PALS1: variants seen among roughly 807,000 people sequenced by gnomAD.
PALS1 encodes protein PALS1.
PALS1 carries 31 observed loss-of-function variants against 78.9 expected under a neutral mutation model. The ratio of observed to expected loss-of-function variants is 0.39; its 90% CI spans 0.30 to 0.53. PALS1 has a LOEUF of 0.53. PALS1 is among the 20% of genes least tolerant of loss of function. The pLI, the probability that PALS1 is intolerant of heterozygous loss-of-function variation, is 0.67. For synonymous variants in PALS1, 276 were observed against 270.9 expected, an observed-to-expected ratio of 1.02 and a Z score of -0.18; for missense variants, 704 against 826.5, an observed-to-expected ratio of 0.85 and a Z score of 1.82.
chr14:67,281,078 T>A (rs527879016), intron 3 of PALS1, among the ~76,000 whole-genome samples: 1 of 152,012 alleles, frequency 6.6e-6, no homozygotes, highest in East Asian at 1.9e-4. Flanking sequence ...TTTGTATTTT[T>A]AGTAGAGACC....
At chr14:67,243,312 C>G (rs941601391) in intron 1 of PALS1, among the ~76,000 whole-genome samples, 14 of 151,296 alleles carry the variant, frequency 9.3e-5, no homozygotes, top group Non-Finnish European at 1.6e-4. Context: ...CTCAGCCTCC[C>G]GACTAGCTGG....
At chr14:67,297,287 T>C (rs562721107) in intron 4 of PALS1, among the ~76,000 whole-genome samples, 61 of 152,192 alleles carry the variant, frequency 4.0e-4, no homozygotes, top group Admixed American at 1.0e-3. Flanking sequence ...ATTATGAAGT[T>C]GTATAGGAAC....
chr14:67,296,585 C>CAA (rs374329692), intron 4 of PALS1, among the ~76,000 whole-genome samples: 2,561 of 50,818 alleles, frequency 0.05, 444 homozygotes, highest in African/African-American at 0.076. Flanking sequence ...AACTCTGTCT[C>CAA]AAAAAAAAAA....
At chr14:67,332,649 A>T (rs1019379926) in intron 14 of PALS1, 131 bp from the exon 15 acceptor site, 2 of 856,274 alleles carry the variant, frequency 2.3e-6, no homozygotes, top group Non-Finnish European at 1.7e-6. Flanking sequence ...GTTGGAAAGG[A>T]GCTCCTGAGG....
chr14:67,288,791 C>T (rs1041571036), intron 3 of PALS1, among the ~76,000 whole-genome samples: 2 of 152,090 alleles, frequency 1.3e-5, no homozygotes, highest in Non-Finnish European at 2.9e-5. Context: ...TAGATTCTGG[C>T]TATCCCTCAG....
chr14:67,316,774 A>G (rs1349064808), intron 9 of PALS1, 58 bp from the exon 10 acceptor site: 14 of 1,442,616 alleles, frequency 9.7e-6, no homozygotes, highest in Non-Finnish European at 1.2e-5. Context: ...GATTAAAAAA[A>G]AAATTCTTAT....
chr14:67,298,361 A>G (rs554855987), intron 4 of PALS1, among the ~76,000 whole-genome samples: 34 of 152,178 alleles, frequency 2.2e-4, no homozygotes, highest in Non-Finnish European at 4.6e-4. Context: ...TAAAAATAAA[A>G]AAAACTAGTT....
intron 1 of PALS1, among the ~76,000 whole-genome samples, chr14:67,255,864 TTTAGTAGAGACGGGGTTTCACC>T (rs1041575893): frequency 1.3e-5 from 2 of 152,204 alleles, no homozygotes; most frequent in African/African-American, 4.8e-5. Context: ...ATTTTGTATT[TTTAGTAGAGACGGGGTTTCACC>T]ATGTTGGCCA....
At chr14:67,278,218 T>G (rs984818321) in intron 2 of PALS1, among the ~76,000 whole-genome samples, 1 of 152,024 alleles carries the variant, frequency 6.6e-6, no homozygotes, top group Non-Finnish European at 1.5e-5. Context: ...TGTATTTTTC[T>G]TAGTAGAGAC....
intron 11 of PALS1, among the ~76,000 whole-genome samples, chr14:67,318,647 C>T (rs2085215396): frequency 6.6e-6 from 1 of 152,164 alleles, no homozygotes. Flanking sequence ...ATGATGTCAT[C>T]ATCATGAATA....
rs142805397 is a variant in PALS1, at chr14:67,302,003, A to G, written c.686A>G (p.Glu229Gly). 62 of 1,607,780 alleles carry G rather than the reference A, an allele frequency of 3.9e-5. No homozygotes were observed. In the African/African-American group the frequency reaches 7.4e-4, roughly 19 times the overall value. The change falls in exon 6 of 15, where the codon GAG (glutamate) becomes GGG (glycine). Residue 229 changes from glutamate to glycine, a missense_variant. By Grantham distance (98) the Glu-to-Gly change is moderately conservative. Transcript: ENST00000261681. The part of the protein sequence containing the change: ...ALLLAHDKVA[E>G]QEMQLEPITD... ...TTACTGGCCCACGATAAGGTTGCTG[A>G]GCAGGAAATGCAGCTAGAGCCCATT...
intron 4 of PALS1, among the ~76,000 whole-genome samples, chr14:67,300,402 A>C (rs2084915030): frequency 6.8e-6 from 1 of 147,156 alleles, no homozygotes; most frequent in Admixed American, 6.9e-5. Flanking sequence ...ATCTCAGCTC[A>C]CTGCAACCTC....
At chr14:67,284,607 A>G (rs888221806) in intron 3 of PALS1, among the ~76,000 whole-genome samples, 2 of 146,196 alleles carry the variant, frequency 1.4e-5, no homozygotes, top group African/African-American at 5.1e-5. Flanking sequence ...AATCATCACT[A>G]CTATATAATT....
In PALS1 at chr14:67,335,123, G is replaced by GATAA. The variant is rs1443863765; in HGVS notation, c.*2171_*2174dup. On this transcript the variant is annotated 3_prime_UTR_variant, in exon 15 of 15. Coordinates refer to ENST00000261681, the MANE Select transcript of PALS1 (RefSeq NM_022474.4). Reference sequence around the variant, plus strand: ...GCCATACTTTTAGGAAGTCTGAGATGATAAATATTTCAAGGTCAGTGAAGT... The same window carrying GATAA: ...GCCATACTTTTAGGAAGTCTGAGATGATAAATAAATATTTCAAGGTCAGTGAAGT... 2 of 149,978 alleles carry GATAA rather than the reference G, an allele frequency of 1.3e-5. No homozygotes were observed. The highest frequency in any genetic ancestry group is 4.8e-5 in the African/African-American group (2 of 41,262). The allele number at this position is 149,978 out of a possible 1,614,324, so 9.3% of individuals were successfully genotyped here. A position where few individuals can be genotyped will look rare whatever the true frequency, so the allele number is the denominator to read the frequency against.
intron 2 of PALS1, among the ~76,000 whole-genome samples, chr14:67,276,255 A>G (rs2084502660): frequency 6.6e-6 from 1 of 152,028 alleles, no homozygotes. Context: ...CAGTTTTATC[A>G]TTATTCATGT....
At chr14:67,311,034 AGGCGTGGT>A (rs2085080912) in intron 8 of PALS1, among the ~76,000 whole-genome samples, 1 of 152,182 alleles carries the variant, frequency 6.6e-6, no homozygotes, top group African/African-American at 2.4e-5. Flanking sequence ...AGCTAAGGCC[AGGCGTGGT>A]GGCTCGTGTC....
At chr14:67,272,691 C>T (rs549045588) in intron 2 of PALS1, among the ~76,000 whole-genome samples, 132 of 152,270 alleles carry the variant, frequency 8.7e-4, no homozygotes, top group African/African-American at 1.9e-3. Context: ...CAGAGTCTCG[C>T]GCTGTCTCCC....
chr14:67,334,684 T>C lies in PALS1; in HGVS notation c.*1728T>C, dbSNP rs2085503253. The C allele has an allele frequency of 1.3e-5, 2 of 152,452 alleles. No individual in the cohort carries two copies. Among genetic ancestry groups the C allele is most frequent in the Middle Eastern group, 3.4e-3 (1 of 294 alleles). 9.4% of individuals were successfully genotyped at this position (152,452 alleles called of 1,614,324 possible). Reference sequence around the variant, plus strand: ...GTTCCTTAGGAAGAAAATAACATTCTTGGGTTGAGGGAAGGAATGCCATAC... The same window carrying C: ...GTTCCTTAGGAAGAAAATAACATTCCTGGGTTGAGGGAAGGAATGCCATAC... On this transcript the variant is annotated 3_prime_UTR_variant, in exon 15 of 15. Transcript: ENST00000261681.
At chr14:67,282,793 G>A (rs2084623768) in intron 3 of PALS1, among the ~76,000 whole-genome samples, 1 of 152,044 alleles carries the variant, frequency 6.6e-6, no homozygotes, top group African/African-American at 2.4e-5. Flanking sequence ...CATAATCAGA[G>A]CAAACTACCT....
Sources: allele counts gnomAD v4.1 joint callset (sites outside exome capture counted in the v4.1 genomes callset), GRCh38; gene constraint gnomAD v4.1.1; transcripts MANE v1.5; gene names NCBI Gene and HGNC (gene_info 2026-07-23, HGNC 2026-07-21).